Variants in SLC66A3 observed in about 807,000 individuals in gnomAD.
The protein encoded by SLC66A3 is solute carrier family 66 member 3, also known as PQ loop repeat containing 3.
Under a neutral mutation model 25.5 loss-of-function variants are expected in SLC66A3, and 23 were observed. That is an observed-to-expected ratio of 0.90 (90% CI 0.65 to 1.28). The LOEUF is 1.28. Ranked by LOEUF, SLC66A3 falls within the 50% of genes most tolerant of loss-of-function variation. The pLI is 0.00. For missense variants in SLC66A3, 246 were observed against 262.1 expected (o/e 0.94, Z 0.42); for synonymous variants, 108 against 112.6 (o/e 0.96, Z 0.26).
Position 11,177,945 on chromosome 2 carries a change from GC to G in SLC66A3, c.*119del. ...AGTAAATCAGTTTATAATCTTTAAA[GC>G]CAAAGGTTTTTTTAGACTTGAAAGA... On this transcript the variant is annotated 3_prime_UTR_variant, in exon 7 of 7. Coordinates refer to ENST00000295083, the MANE Select transcript of SLC66A3 (RefSeq NM_152391.5). 1.5e-6 allele frequency: 1 copy of G among 669,316 alleles called. No individual in the cohort carries two copies. The highest frequency in any genetic ancestry group is 2.5e-6 in the Non-Finnish European group (1 of 401,282). The allele number at this position is 669,316 out of a possible 1,614,324, so 41.5% of individuals were successfully genotyped here. A position where few individuals can be genotyped will look rare whatever the true frequency, so the allele number is the denominator to read the frequency against.
intron 5 of SLC66A3, 133 bp downstream of exon 5, chr2:11,172,178 C>A: frequency 1.4e-6 from 1 of 714,724 alleles, no homozygotes; most frequent in Non-Finnish European, 2.3e-6. Flanking sequence ...TCAGCTAGAA[C>A]CTCCTAAGTG....
At chr2:11,172,748 C>G (rs1273068627) in intron 5 of SLC66A3, 2 of 434,230 alleles carry the variant, frequency 4.6e-6, no homozygotes, top group Admixed American at 5.0e-5. Flanking sequence ...TTTCCTTTGA[C>G]AGGGTCTCGC....
chr2:11,171,770 G>T (rs1477414845), intron 4 of SLC66A3, among the ~76,000 whole-genome samples, 155 bp from the exon 5 acceptor site: 1 of 151,978 alleles, frequency 6.6e-6, no homozygotes, highest in Non-Finnish European at 1.5e-5. Context: ...GTGTTTCACC[G>T]TGCTAGCCAG....
chr2:11,168,460 G>A (rs1282696091), intron 4 of SLC66A3, among the ~76,000 whole-genome samples: 4 of 152,106 alleles, frequency 2.6e-5, no homozygotes, highest in Non-Finnish European at 5.9e-5. Flanking sequence ...AAATAGCTTT[G>A]TTCCTGAAAG....
At chr2:11,172,131 A>G in intron 5 of SLC66A3, 86 bp downstream of exon 5, 11 of 1,357,512 alleles carry the variant, frequency 8.1e-6, no homozygotes, top group Non-Finnish European at 1.0e-5. Context: ...TTGAAGTAAC[A>G]TGGTCCCTGG....
chr2:11,170,252 G>A (rs546797121), intron 4 of SLC66A3, among the ~76,000 whole-genome samples: 3 of 152,266 alleles, frequency 2.0e-5, no homozygotes, highest in Non-Finnish European at 4.4e-5. Flanking sequence ...TACTGCCCTC[G>A]TACAAACCCA....
intron 3 of SLC66A3, among the ~76,000 whole-genome samples, chr2:11,162,494 T>C (rs539867735): frequency 3.9e-5 from 6 of 152,382 alleles, no homozygotes; most frequent in Non-Finnish European, 5.9e-5. Context: ...CATGGCTGGA[T>C]GCTGATGGCG....
intron 4 of SLC66A3, among the ~76,000 whole-genome samples, chr2:11,165,351 C>T (rs898801674): frequency 1.5e-4 from 22 of 150,136 alleles, no homozygotes; most frequent in Non-Finnish European, 2.8e-4. Flanking sequence ...GATGGGCGAC[C>T]GGGCAGAGAC....
rs1255331648 is a variant in SLC66A3 at position 11,177,938 on chromosome 2, C to T, written c.*110C>T. 2.9e-6 allele frequency: 2 copies of T among 689,652 alleles called. No individual in the cohort carries two copies. The highest frequency in any genetic ancestry group is 2.8e-5 in the East Asian group (1 of 35,820). The allele number at this position is 689,652 out of a possible 1,614,324, so 42.7% of individuals were successfully genotyped here. A position where few individuals can be genotyped will look rare whatever the true frequency, so the allele number is the denominator to read the frequency against. On this transcript the variant is annotated 3_prime_UTR_variant, in exon 7 of 7. Coordinates refer to ENST00000295083, the MANE Select transcript of SLC66A3 (RefSeq NM_152391.5). ...TAAATTTAGTAAATCAGTTTATAAT[C>T]TTTAAAGCCAAAGGTTTTTTTAGAC...
intron 2 of SLC66A3, 28 bp from the exon 3 acceptor site, chr2:11,160,597 C>T (rs766186908): frequency 2.5e-6 from 4 of 1,614,066 alleles, no homozygotes; most frequent in Non-Finnish European, 3.4e-6. Flanking sequence ...CTCCCCTTCC[C>T]CCCTCACTCG....
Position 11,155,882 on chromosome 2 carries a change from A to G in SLC66A3, c.143+193A>G, listed in dbSNP as rs560451533. Among the ~76,000 whole-genome samples, 37 of 152,276 alleles carry G rather than the reference A, an allele frequency of 2.4e-4. No homozygotes were observed. In the East Asian group the frequency reaches 7.2e-3, roughly 30 times the overall value. On this transcript the variant is annotated intron_variant, in intron 1 of 6. Transcript: ENST00000295083. ...TCCCACGGCCACCCGCCACCCGCGT[A>G]CATTGTTTCTCACCAAGCCCCGCGT...
At chr2:11,157,723 G>T (rs1558247939) in intron 1 of SLC66A3, among the ~76,000 whole-genome samples, 1 of 152,246 alleles carries the variant, frequency 6.6e-6, no homozygotes. Context: ...TCTTAATAAT[G>T]CCAGAAAAGC....
At position 11,171,947 on chromosome 2, in the gene SLC66A3, C is replaced by T. The variant is rs760211947; in HGVS notation, c.377C>T (p.Ala126Val). 13 of 1,613,816 alleles carry T rather than the reference C, an allele frequency of 8.1e-6. 1 individual carries two copies. Among genetic ancestry groups the T allele is most frequent in the South Asian group, 4.4e-5 (4 of 91,078 alleles). ...LAMNLCTFIS[A>V]ASKFAQLQCL... ...CAGAATCTATGTACTTTCATCAGCG[C>T]GGCCAGTAAGTTTGCACAGCTCCAG... The change falls in exon 5 of 7, where the codon GCG becomes GTG. Residue 126 changes from alanine to valine, a missense_variant. Coordinates refer to ENST00000295083, the MANE Select transcript of SLC66A3 (RefSeq NM_152391.5).
intron 4 of SLC66A3, among the ~76,000 whole-genome samples, chr2:11,168,147 T>C (rs1048426020): frequency 5.9e-5 from 9 of 151,984 alleles, no homozygotes; most frequent in African/African-American, 2.2e-4. Flanking sequence ...TAGCCGGGTG[T>C]GGTGGCGGGC....
chr2:11,171,316 T>TTAACTAAC (rs554259611), intron 4 of SLC66A3, among the ~76,000 whole-genome samples: 1 of 152,052 alleles, frequency 6.6e-6, no homozygotes, highest in Non-Finnish European at 1.5e-5. Context: ...AGACTCTGTC[T>TTAACTAAC]TAACTAACTA....
At chr2:11,162,792 G>A (rs1662173639) in intron 3 of SLC66A3, among the ~76,000 whole-genome samples, 1 of 152,094 alleles carries the variant, frequency 6.6e-6, no homozygotes, top group Non-Finnish European at 1.5e-5. Flanking sequence ...ATTTTTAGCA[G>A]AGACGGGGTT....
At chr2:11,171,801 C>G (rs563961622) in intron 4 of SLC66A3, 124 bp from the exon 5 acceptor site, 2 of 917,174 alleles carry the variant, frequency 2.2e-6, no homozygotes, top group Admixed American at 1.9e-5. Context: ...ATCTCCTGAC[C>G]TCATGATCTG....
At chr2:11,173,660 A>T (rs1662632341) in intron 5 of SLC66A3, among the ~76,000 whole-genome samples, 1 of 152,192 alleles carries the variant, frequency 6.6e-6, no homozygotes, top group Non-Finnish European at 1.5e-5. Context: ...ATATGTGCTA[A>T]ATGCAGAATG....
intron 3 of SLC66A3, 199 bp downstream of exon 3, chr2:11,160,893 G>T (rs1197666237): frequency 2.3e-6 from 2 of 871,332 alleles, no homozygotes; most frequent in Non-Finnish European, 3.4e-6. Context: ...TCCGAGACCA[G>T]CATGCCCTGG....
Sources: allele counts gnomAD v4.1 joint callset (sites outside exome capture counted in the v4.1 genomes callset), GRCh38; gene constraint gnomAD v4.1.1; transcripts MANE v1.5; gene names NCBI Gene and HGNC (gene_info 2026-07-23, HGNC 2026-07-21).